Variants in KNTC1 observed in about 807,000 individuals in gnomAD.
KNTC1 encodes kinetochore associated 1.
A neutral mutation model predicts 314.4 loss-of-function variants in KNTC1; 253 were observed. That is an observed-to-expected ratio of 0.80 (90% confidence interval 0.73 to 0.89). KNTC1 has a LOEUF of 0.89. Ranked by LOEUF, KNTC1 falls within the 40% of genes least tolerant of loss-of-function variation. The pLI, the probability that KNTC1 is intolerant of heterozygous loss-of-function variation, is 0.00. For synonymous variants in KNTC1, 901 were observed against 901.4 expected (o/e 1.00, Z 0.01); for missense variants, 2,475 against 2,572.9 (o/e 0.96, Z 0.82).
chr12:122,603,734 G>A (rs1053560216), intron 48 of KNTC1, among the ~76,000 whole-genome samples: 5 of 152,122 alleles, frequency 3.3e-5, no homozygotes, highest in Middle Eastern at 3.4e-3. Flanking sequence ...CTTGTGATCC[G>A]CCCGCCTCGG....
chr12:122,590,622 T>C lies in KNTC1; in HGVS notation c.4015T>C (p.Leu1339=), dbSNP rs1870055050. 6.2e-7 allele frequency: 1 copy of C among 1,612,554 alleles called. No homozygotes were observed. The highest frequency in any genetic ancestry group is 1.3e-5 in the African/African-American group (1 of 74,908). ...CTTCCTGTAGGTATTTAATTGTCGC[T>C]TGGTAGATCTTGACCTGGCGTTGGG... ...TLLHKVFNCR[L]VDLDLALGYC... Residue 1339 remains leucine (L), a synonymous_variant, in exon 41 of 64, where the codon TTG becomes CTG. Transcript: ENST00000333479.
intron 56 of KNTC1, 79 bp downstream of exon 56, chr12:122,615,165 C>A: frequency 9.8e-7 from 1 of 1,023,788 alleles, no homozygotes. Context: ...TGGATTGATA[C>A]TTGTTATGGA....
intron 43 of KNTC1, among the ~76,000 whole-genome samples, chr12:122,594,681 G>A (rs2138068639): frequency 6.6e-6 from 1 of 152,298 alleles, no homozygotes; most frequent in Admixed American, 6.5e-5. Flanking sequence ...TCTGGACCAA[G>A]GCCTAGAAAT....
chr12:122,532,917 A>G (rs781136959), intron 2 of KNTC1, among the ~76,000 whole-genome samples: 24 of 152,296 alleles, frequency 1.6e-4, no homozygotes, highest in African/African-American at 2.2e-4. Flanking sequence ...GCATTTCCTT[A>G]AGAAACTATG....
At chr12:122,584,547 T>C in intron 35 of KNTC1, 97 bp downstream of exon 35, 1 of 834,956 alleles carries the variant, frequency 1.2e-6, no homozygotes, top group Non-Finnish European at 1.9e-6. Flanking sequence ...ATCACGGTAA[T>C]CAGACTAGAG....
intron 57 of KNTC1, chr12:122,617,524 A>G (rs1021452419): frequency 2.3e-5 from 6 of 259,684 alleles, no homozygotes; most frequent in Non-Finnish European, 3.2e-5. Context: ...GCGCCTGGCC[A>G]GTGTTCTTTC....
At chr12:122,617,556 C>A (rs1040766483) in intron 57 of KNTC1, 1 of 221,334 alleles carries the variant, frequency 4.5e-6, no homozygotes, top group Non-Finnish European at 9.4e-6. Context: ...TCTTGAAATT[C>A]TTTCTCTTGT....
At chr12:122,577,587 C>T in intron 30 of KNTC1, 85 bp from the exon 31 acceptor site, 1 of 1,277,812 alleles carries the variant, frequency 7.8e-7, no homozygotes, top group Non-Finnish European at 1.1e-6. Flanking sequence ...GTATTTTCAT[C>T]TTTAAATAGA....
At chr12:122,598,171 T>G (rs753169218) in intron 44 of KNTC1, among the ~76,000 whole-genome samples, 12 of 152,168 alleles carry the variant, frequency 7.9e-5, no homozygotes, top group Non-Finnish European at 1.8e-4. Flanking sequence ...TTCTTTGAAT[T>G]TATATGAGCT....
intron 51 of KNTC1, among the ~76,000 whole-genome samples, chr12:122,607,741 C>G (rs1872702072): frequency 6.6e-6 from 1 of 152,112 alleles, no homozygotes; most frequent in African/African-American, 2.4e-5. Context: ...TTTCCTCTAC[C>G]CCTGCACACC....
chr12:122,560,149 A>C (rs149916936), intron 18 of KNTC1, among the ~76,000 whole-genome samples: 1,566 of 152,258 alleles, frequency 0.01, 34 homozygotes, highest in Non-Finnish European at 0.01. Flanking sequence ...TTAGCATAAT[A>C]TCCTCCAGGT....
intron 34 of KNTC1, among the ~76,000 whole-genome samples, chr12:122,584,055 T>C (rs1357823370): frequency 6.6e-6 from 1 of 152,088 alleles, no homozygotes; most frequent in African/African-American, 2.4e-5. Flanking sequence ...ACCCTGGAGG[T>C]TGAGGCTGCA....
intron 20 of KNTC1, 44 bp downstream of exon 20, chr12:122,562,743 C>G (rs1280311978): frequency 2.6e-6 from 3 of 1,160,550 alleles, no homozygotes; most frequent in Non-Finnish European, 3.9e-6. Context: ...GGCATGGTGT[C>G]TCACGCCTGT....
At chr12:122,623,776 CAT>C (rs2138203187) in intron 62 of KNTC1, among the ~76,000 whole-genome samples, 1 of 152,204 alleles carries the variant, frequency 6.6e-6, no homozygotes, top group East Asian at 1.9e-4. Context: ...GCTCCAAAAA[CAT>C]AATTCTGGCC....
At chr12:122,572,129 C>T (rs1489213724) in intron 24 of KNTC1, among the ~76,000 whole-genome samples, 8 of 152,100 alleles carry the variant, frequency 5.3e-5, no homozygotes, top group African/African-American at 1.7e-4. Context: ...CGATGGCTTA[C>T]GCCTGTAATC....
At position 122,588,809 on chromosome 12, in the gene KNTC1, T is replaced by C. The variant is rs557174875; in HGVS notation, c.3992T>C (p.Leu1331Pro). The change falls in exon 40 of 64, where the codon CTG (leucine) becomes CCG (proline). Residue 1331 changes from leucine (L) to proline (P), a missense_variant. Leu to Pro is a moderately conservative substitution (Grantham distance 98). Transcript: ENST00000333479. ...IFIRENATTL[L>P]HKVFNCRLVD... ...ATCAGGGAAAATGCTACAACACTACTGCACAAAGTAAGTATTTGTTCTGGG... is the reference window on the plus strand; with the variant it reads ...ATCAGGGAAAATGCTACAACACTACCGCACAAAGTAAGTATTTGTTCTGGG... The C allele has an allele frequency of 1.1e-5, 17 of 1,527,516 alleles. No individual in the cohort carries two copies. The African/African-American group carries it at 1.3e-4, about 11-fold the overall frequency. The allele number at this position is 1,527,516 out of a possible 1,614,324, so 94.6% of individuals were successfully genotyped here. A position where few individuals can be genotyped will look rare whatever the true frequency, so the allele number is the denominator to read the frequency against.
At chr12:122,574,150 T>C (rs1964875778) in intron 26 of KNTC1, 132 bp from the exon 27 acceptor site, 3 of 569,150 alleles carry the variant, frequency 5.3e-6, no homozygotes, top group Non-Finnish European at 9.1e-6. Context: ...TTATGACTAA[T>C]TAGAATTTTT....
At position 122,608,695 on chromosome 12, in the gene KNTC1, C is replaced by T. The variant is rs539516678; in HGVS notation, c.5497-689C>T. Among the ~76,000 whole-genome samples, 5 of 152,236 alleles carry T rather than the reference C, an allele frequency of 3.3e-5. No homozygotes were observed. The South Asian group carries it at 1.0e-3, about 32-fold the overall frequency. On this transcript the variant is annotated intron_variant, in intron 51 of 63. Transcript: ENST00000333479. Reference sequence around the variant, plus strand: ...GCACCTAGTACAGTACTTTGTAAATCCCAACAGATATATACTGAATTAACA... The same window carrying T: ...GCACCTAGTACAGTACTTTGTAAATTCCAACAGATATATACTGAATTAACA...
In KNTC1 at chr12:122,610,899, C is replaced by A. The variant is rs764584293; in HGVS notation, c.5621C>A (p.Thr1874Asn). The change falls in exon 53 of 64, where the codon ACC becomes AAC. Residue 1874 changes from threonine to asparagine, a missense_variant and splice_region_variant. By Grantham distance (65) the Thr-to-Asn change is moderately conservative. Transcript: ENST00000333479. ...MLFVFATSTT[T>N]TLGMHQLTFA... The stretch of plus-strand genomic sequence containing the variant: ...TTTGTATTTGCAACATCAACTACAA[C>A]CGTAAGCTCTAGAAACTTAATCCAA... The A allele has an allele frequency of 6.2e-7, 1 of 1,606,316 alleles. No individual in the cohort carries two copies. Among genetic ancestry groups the A allele is most frequent in the African/African-American group, 1.3e-5 (1 of 74,866 alleles).
Sources: gnomAD v4.1 joint callset for allele counts (sites outside exome capture counted in the v4.1 genomes callset) on GRCh38, gnomAD v4.1.1 for gene constraint, MANE v1.5 for transcripts, NCBI Gene and HGNC (gene_info 2026-07-23, HGNC 2026-07-21) for gene names.